The following GSAP variants were observed in gnomAD, a reference collection of about 807,000 sequenced individuals.
GSAP encodes gamma-secretase-activating protein.
Under a neutral mutation model 131.7 loss-of-function variants are expected in GSAP, and 118 were observed. The observed-to-expected ratio is 0.90, with a 90% CI of 0.77 to 1.04. The LOEUF is 1.04. GSAP is among the 50% of genes least tolerant of loss of function. The pLI is 0.00. For synonymous variants in GSAP, 381 were observed against 363.4 expected, an observed-to-expected ratio of 1.05 and a Z score of -0.55; for missense variants, 1,019 against 1,013.2, an observed-to-expected ratio of 1.01 and a Z score of -0.08.
intron 1 of GSAP, among the ~76,000 whole-genome samples, chr7:77,412,740 C>T (rs913676844): frequency 1.2e-4 from 17 of 143,156 alleles, no homozygotes; most frequent in Non-Finnish European, 2.1e-4. Flanking sequence ...TGCTCAACCT[C>T]GGAGCACAAT....
At chr7:77,363,634 A>G (rs1172402616) in intron 12 of GSAP, among the ~76,000 whole-genome samples, 1 of 152,238 alleles carries the variant, frequency 6.6e-6, no homozygotes, top group African/African-American at 2.4e-5. Context: ...AGGGCTATTC[A>G]AGGACATTTA....
intron 22 of GSAP, 22 bp from the exon 23 acceptor site, chr7:77,326,295 G>T (rs1444718144): frequency 1.3e-6 from 2 of 1,573,092 alleles, no homozygotes; most frequent in Non-Finnish European, 1.7e-6. Context: ...CAGAGCAATA[G>T]TTAGGCTCTG....
intron 11 of GSAP, 67 bp downstream of exon 11, chr7:77,374,991 C>A: frequency 1.3e-6 from 1 of 757,066 alleles, no homozygotes; most frequent in African/African-American, 1.8e-5. Context: ...ATATAATGTA[C>A]GAATAAATAT....
chr7:77,390,433 C>A (rs1289420276), intron 5 of GSAP, among the ~76,000 whole-genome samples: 2 of 152,152 alleles, frequency 1.3e-5, no homozygotes, highest in African/African-American at 4.8e-5. Context: ...ACATTTAAGT[C>A]TTTAATCCAT....
At chr7:77,385,485 C>G (rs1384330294) in intron 6 of GSAP, among the ~76,000 whole-genome samples, 3 of 152,202 alleles carry the variant, frequency 2.0e-5, no homozygotes, top group Non-Finnish European at 4.4e-5. Context: ...CTCCAATTCC[C>G]TTTAGTTACC....
rs947629719 is a variant in GSAP at position 77,358,110 on chromosome 7, G to T, written c.1028-2463C>A. Among the ~76,000 whole-genome samples, 38 of 152,232 alleles carry T rather than the reference G, an allele frequency of 2.5e-4. 2 individuals carry two copies. On this transcript the variant is annotated intron_variant, in intron 14 of 30. Coordinates refer to ENST00000257626, the MANE Select transcript of GSAP (RefSeq NM_017439.4). Reference sequence around the variant, plus strand: ...AATCCCAGCACTTTGGGAGGCTGAGGCAGGTGGATTACTTGAGGTCAGGAG... The same window carrying T: ...AATCCCAGCACTTTGGGAGGCTGAGTCAGGTGGATTACTTGAGGTCAGGAG...
intron 5 of GSAP, among the ~76,000 whole-genome samples, chr7:77,390,093 GTGTC>G (rs769326453): frequency 1.1e-4 from 16 of 152,312 alleles, no homozygotes; most frequent in Admixed American, 2.6e-4. Flanking sequence ...TTTTGAGAAA[GTGTC>G]TGTTCATATC....
intron 14 of GSAP, among the ~76,000 whole-genome samples, chr7:77,359,447 A>C (rs1794231295): frequency 1.3e-5 from 2 of 152,192 alleles, no homozygotes; most frequent in South Asian, 2.1e-4. Flanking sequence ...TCTGGGGTTC[A>C]TGGAAATTTT....
chr7:77,382,291 T>G (rs998520733), intron 7 of GSAP, among the ~76,000 whole-genome samples: 2 of 152,040 alleles, frequency 1.3e-5, no homozygotes, highest in Admixed American at 1.3e-4. Flanking sequence ...AAATGACCCA[T>G]GCAACTTTCT....
At chr7:77,334,533 T>C (rs890102923) in intron 19 of GSAP, among the ~76,000 whole-genome samples, 4 of 137,942 alleles carry the variant, frequency 2.9e-5, no homozygotes, top group Non-Finnish European at 6.0e-5. Context: ...CGTTTACCTA[T>C]GTAACAAACC....
chr7:77,317,000 A>G (rs1486466872), intron 26 of GSAP, among the ~76,000 whole-genome samples: 1 of 152,180 alleles, frequency 6.6e-6, no homozygotes, highest in African/African-American at 2.4e-5. Flanking sequence ...TAACTCAAAC[A>G]GTCATCATTA....
chr7:77,311,738 G>A (rs192321287), intron 30 of GSAP, 103 bp downstream of exon 30: 5 of 667,944 alleles, frequency 7.5e-6, no homozygotes, highest in Non-Finnish European at 1.1e-5. Context: ...GGGTCTACTT[G>A]TATGTTAAAA....
intron 14 of GSAP, 37 bp from the exon 15 acceptor site, chr7:77,355,684 T>C (rs1584455952): frequency 8.8e-7 from 1 of 1,134,828 alleles, no homozygotes; most frequent in Non-Finnish European, 1.3e-6. Flanking sequence ...CTACATGTGG[T>C]AAAAGCTGCA....
In GSAP at chr7:77,382,587, A is replaced by T. The variant is rs751252451; in HGVS notation, c.513T>A (p.Ile171=). The T allele has an allele frequency of 1.3e-6, 2 of 1,551,562 alleles. No individual in the cohort carries two copies. Among genetic ancestry groups the T allele is most frequent in the East Asian group, 2.2e-5 (1 of 44,596 alleles). Residue 171 remains isoleucine, a synonymous_variant, in exon 7 of 31, where the codon ATT becomes ATA. Coordinates refer to ENST00000257626, the MANE Select transcript of GSAP (RefSeq NM_017439.4). ...AGATACACTTACATTTCTCTTCTGA[A>T]ATCAGTAACAGATGGTTCTCTGGAA... ...HPLPENHLLL[I]SEEKYIEQFR...
intron 8 of GSAP, chr7:77,379,923 T>C: frequency 1.0e-6 from 1 of 963,524 alleles, no homozygotes; most frequent in Non-Finnish European, 1.2e-6. Flanking sequence ...TAAATTCCAT[T>C]TTCTGTTTCA....
At chr7:77,347,006 C>T (rs1385644761) in intron 19 of GSAP, among the ~76,000 whole-genome samples, 1 of 148,570 alleles carries the variant, frequency 6.7e-6, no homozygotes, top group African/African-American at 2.5e-5. Context: ...GAGGGTCCTG[C>T]CTCATACCCT....
chr7:77,354,769 A>G (rs1044125073), intron 16 of GSAP, among the ~76,000 whole-genome samples: 9 of 152,102 alleles, frequency 5.9e-5, no homozygotes, highest in South Asian at 2.1e-4. Flanking sequence ...TAGCTGTAAA[A>G]TAACACAGAA....
intron 21 of GSAP, 93 bp downstream of exon 21, chr7:77,329,240 A>G (rs11520975): frequency 0.19 from 125,093 of 671,480 alleles, 12,652 homozygotes; most frequent in Non-Finnish European, 0.2. Flanking sequence ...TATGCAACAA[A>G]AGTAAACTAC....
chr7:77,389,132 A>G lies in GSAP; in HGVS notation c.368-1684T>C, dbSNP rs574787021. On this transcript the variant is annotated intron_variant, in intron 5 of 30. Transcript: ENST00000257626. ...GTTGAGAGGTGAGTATGTGGGGGGG[A>G]AAATGAATTTTTCTTATTGTTATCT... 4.8e-4 allele frequency among the ~76,000 whole-genome samples: 73 copies of G among 152,042 alleles called. No homozygotes were observed. In the East Asian group the frequency reaches 7.1e-3, roughly 15 times the overall value.
Sources: allele counts gnomAD v4.1 joint callset (sites outside exome capture counted in the v4.1 genomes callset), GRCh38; gene constraint gnomAD v4.1.1; transcripts MANE v1.5; gene names NCBI Gene and HGNC (gene_info 2026-07-23, HGNC 2026-07-21).